Variants in SEMA5A observed in about 807,000 individuals in gnomAD.
SEMA5A encodes semaphorin-5A.
A neutral mutation model predicts 135.5 loss-of-function variants in SEMA5A; 55 were observed. The ratio of observed to expected loss-of-function variants is 0.41; its 90% CI spans 0.33 to 0.51. The LOEUF is 0.51. Among genes scored for constraint, SEMA5A ranks in the 20% least tolerant of loss-of-function variants. The pLI, the probability that SEMA5A is intolerant of heterozygous loss-of-function variation, is 0.37. For synonymous variants in SEMA5A, 580 were observed against 546.5 expected (o/e 1.06, Z -0.85); for missense variants, 1,290 against 1,419.9 (o/e 0.91, Z 1.47).
intron 5 of SEMA5A, among the ~76,000 whole-genome samples, chr5:9,276,480 A>T (rs1478623635): frequency 1.3e-5 from 2 of 152,190 alleles, no homozygotes; most frequent in Non-Finnish European, 2.9e-5. Flanking sequence ...ATATGGAACC[A>T]AAAAAGAGCC....
chr5:9,425,172 C>T (rs1757602817), intron 2 of SEMA5A, among the ~76,000 whole-genome samples: 1 of 152,012 alleles, frequency 6.6e-6, no homozygotes, highest in African/African-American at 2.4e-5. Context: ...CCCCTGTTCA[C>T]TCTCTGTCAC....
chr5:9,422,172 G>T (rs985973669), intron 2 of SEMA5A, among the ~76,000 whole-genome samples: 1 of 152,194 alleles, frequency 6.6e-6, no homozygotes, highest in Non-Finnish European at 1.5e-5. Context: ...TGGCACAGAT[G>T]CCACCTTGCC....
intron 8 of SEMA5A, among the ~76,000 whole-genome samples, chr5:9,221,362 G>A (rs112136518): frequency 1.4e-5 from 2 of 146,894 alleles, no homozygotes; most frequent in Non-Finnish European, 3.0e-5. Context: ...GAGTGCAGTG[G>A]CGCGATCTCG....
At chr5:9,390,620 G>A (rs1031635562) in intron 2 of SEMA5A, among the ~76,000 whole-genome samples, 5 of 151,920 alleles carry the variant, frequency 3.3e-5, no homozygotes, top group African/African-American at 1.2e-4. Context: ...TAAATCCAAT[G>A]GATTAGACAT....
chr5:9,129,167 A>G (rs1741272402), intron 13 of SEMA5A, among the ~76,000 whole-genome samples: 1 of 152,256 alleles, frequency 6.6e-6, no homozygotes, highest in South Asian at 2.1e-4. Context: ...ACTTGAAATA[A>G]GTGATGGCTA....
chr5:9,179,221 A>C (rs1011708147), intron 11 of SEMA5A, among the ~76,000 whole-genome samples: 3 of 152,218 alleles, frequency 2.0e-5, no homozygotes, highest in Non-Finnish European at 4.4e-5. Flanking sequence ...AGTTATATCA[A>C]AAATTTGTAT....
At chr5:9,311,152 G>GC (rs1328602870) in intron 5 of SEMA5A, among the ~76,000 whole-genome samples, 3 of 151,498 alleles carry the variant, frequency 2.0e-5, no homozygotes, top group African/African-American at 7.2e-5. Context: ...TCAACGGGGG[G>GC]GTCCTGCTCT....
At chr5:9,507,337 A>G (rs1386950931) in intron 1 of SEMA5A, among the ~76,000 whole-genome samples, 1 of 152,216 alleles carries the variant, frequency 6.6e-6, no homozygotes, top group Non-Finnish European at 1.5e-5. Flanking sequence ...GCAGTCTTAA[A>G]GAATATGCCA....
chr5:9,441,304 A>C (rs1758223548), intron 1 of SEMA5A, among the ~76,000 whole-genome samples: 1 of 152,254 alleles, frequency 6.6e-6, no homozygotes, highest in Admixed American at 6.5e-5. Context: ...GTGGGCTCTA[A>C]GGGATGAGGA....
chr5:9,340,533 C>T (rs1753601827), intron 3 of SEMA5A, among the ~76,000 whole-genome samples: 1 of 152,124 alleles, frequency 6.6e-6, no homozygotes, highest in Non-Finnish European at 1.5e-5. Context: ...GTTTTGGTCC[C>T]TATACTGAAC....
intron 3 of SEMA5A, among the ~76,000 whole-genome samples, chr5:9,369,742 G>A (rs1209085262): frequency 1.3e-5 from 2 of 150,652 alleles, no homozygotes; most frequent in Admixed American, 6.6e-5. Flanking sequence ...TTGAGTTCTT[G>A]TAGTGTAGGT....
intron 11 of SEMA5A, among the ~76,000 whole-genome samples, chr5:9,184,954 A>G (rs1056037586): frequency 6.6e-6 from 1 of 152,044 alleles, no homozygotes; most frequent in African/African-American, 2.4e-5. Context: ...TTGAGACAGC[A>G]TCTTACTCTG....
chr5:9,158,365 T>G (rs1743067529), intron 11 of SEMA5A, among the ~76,000 whole-genome samples: 1 of 152,046 alleles, frequency 6.6e-6, no homozygotes, highest in African/African-American at 2.4e-5. Context: ...CTCCGAAAAT[T>G]TGCCACAAGA....
At chr5:9,108,339 C>A in intron 15 of SEMA5A, 52 bp from the exon 16 acceptor site, 1 of 1,597,932 alleles carries the variant, frequency 6.3e-7, no homozygotes, top group Non-Finnish European at 8.6e-7. Flanking sequence ...CCACTTGAAA[C>A]CACTGACGTT....
intron 11 of SEMA5A, among the ~76,000 whole-genome samples, chr5:9,175,774 G>T (rs1180281920): frequency 6.6e-6 from 1 of 152,218 alleles, no homozygotes; most frequent in Non-Finnish European, 1.5e-5. Context: ...AATAGGAACA[G>T]CCTCGTAATT....
chr5:9,467,002 T>C (rs547863718), intron 1 of SEMA5A, among the ~76,000 whole-genome samples: 2 of 152,356 alleles, frequency 1.3e-5, no homozygotes, highest in African/African-American at 4.8e-5. Context: ...AAAGGCATCC[T>C]CATAAATCAT....
At chr5:9,375,671 A>T (rs1248477220) in intron 3 of SEMA5A, among the ~76,000 whole-genome samples, 2 of 150,506 alleles carry the variant, frequency 1.3e-5, no homozygotes. Context: ...AATTTCTCAG[A>T]AAGTGACGAA....
chr5:9,104,477 A>G (rs771116304), intron 16 of SEMA5A, among the ~76,000 whole-genome samples: 6 of 152,166 alleles, frequency 3.9e-5, no homozygotes, highest in Non-Finnish European at 8.8e-5. Context: ...TACAGTTACT[A>G]TTGTCAAAAT....
chr5:9,522,325 G>A (rs1356161421), intron 1 of SEMA5A, among the ~76,000 whole-genome samples: 1 of 152,202 alleles, frequency 6.6e-6, no homozygotes, highest in Non-Finnish European at 1.5e-5. Context: ...GCTCACACCT[G>A]TAATCCCAGC....
Sources: gnomAD v4.1 joint callset for allele counts (sites outside exome capture counted in the v4.1 genomes callset) on GRCh38, gnomAD v4.1.1 for gene constraint, MANE v1.5 for transcripts, NCBI Gene and HGNC (gene_info 2026-07-23, HGNC 2026-07-21) for gene names.